Variants in ADCY2 observed in about 807,000 individuals in gnomAD.
The protein encoded by ADCY2 is adenylate cyclase type 2.
In ADCY2, 31 loss-of-function variants were observed where a neutral mutation model predicts 125.2. The observed-to-expected ratio is 0.25, with a 90% confidence interval of 0.19 to 0.33. The LOEUF (loss-of-function observed/expected upper bound fraction) is 0.33. Ranked by LOEUF, ADCY2 falls within the 10% of genes least tolerant of loss-of-function variation. The probability of loss-of-function intolerance (pLI) is 1.00; values close to 1 mark genes in which losing one functional copy is unlikely to be tolerated. For synonymous variants in ADCY2, 512 were observed against 548.4 expected, an observed-to-expected ratio of 0.93 and a Z score of 0.93; for missense variants, 904 against 1,418.2, an observed-to-expected ratio of 0.64 and a Z score of 5.82.
In ADCY2 at chr5:7,396,316, G is replaced by A. The variant is rs746090339; in HGVS notation, c.20G>A (p.Arg7Gln). 2.1e-6 allele frequency: 3 copies of A among 1,451,430 alleles called. No individual in the cohort carries two copies. The highest frequency in any genetic ancestry group is 9.1e-7 in the Non-Finnish European group (1 of 1,099,170). 89.9% of individuals were successfully genotyped at this position (1,451,430 alleles called of 1,614,324 possible). MWQEAM[R>Q]RRRYLRDRSE... ...GCCCCGATGTGGCAGGAGGCGATGC[G>A]GCGCCGCCGCTACCTGCGGGACCGC... The change falls in exon 1 of 25, where the codon CGG becomes CAG. Residue 7 changes from arginine (R) to glutamine (Q), a missense_variant. Around this residue, in one of 7 missense-constraint regions of ADCY2, gnomAD observed 113 missense variants for 108.0 expected, o/e 1.05. Coordinates refer to ENST00000338316, the MANE Select transcript of ADCY2 (RefSeq NM_020546.3). The surrounding 1 kb of genome is among the most constrained non-coding windows in gnomAD (Gnocchi z 5.7).
intron 4 of ADCY2, chr5:7,658,084 C>T (rs1739400730): frequency 6.6e-6 from 1 of 152,228 alleles, no homozygotes; most frequent in South Asian, 2.1e-4. Context: ...CTTCTAGGTT[C>T]AAAGAGGCAG....
intron 7 of ADCY2, among the ~76,000 whole-genome samples, chr5:7,705,737 G>A (rs868645708): frequency 3.3e-5 from 5 of 152,264 alleles, no homozygotes; most frequent in Middle Eastern, 3.4e-3. Flanking sequence ...AAGCAAGAAA[G>A]GAAGACAGTG....
chr5:7,572,778 A>C (rs902224274), intron 3 of ADCY2, among the ~76,000 whole-genome samples: 4 of 152,152 alleles, frequency 2.6e-5, no homozygotes, highest in African/African-American at 9.7e-5. Flanking sequence ...TATACATTTA[A>C]GTCTTTATTC....
chr5:7,731,775 G>A (rs1742110174), intron 14 of ADCY2, among the ~76,000 whole-genome samples: 1 of 151,282 alleles, frequency 6.6e-6, no homozygotes, highest in African/African-American at 2.4e-5. Flanking sequence ...GCTAATTTTT[G>A]TATTTTTAGT....
chr5:7,526,183 C>A (rs1225325065), intron 3 of ADCY2, among the ~76,000 whole-genome samples: 1 of 152,218 alleles, frequency 6.6e-6, no homozygotes, highest in East Asian at 1.9e-4. Flanking sequence ...ACCTCACACA[C>A]AGCTTTGTCA....
At chr5:7,726,490 C>A (rs1235214552) in intron 13 of ADCY2, among the ~76,000 whole-genome samples, 1 of 152,108 alleles carries the variant, frequency 6.6e-6, no homozygotes, top group Non-Finnish European at 1.5e-5. Context: ...TTTTATCCTG[C>A]CTAAGTAAAG....
At chr5:7,723,746 C>T (rs575361061) in intron 12 of ADCY2, among the ~76,000 whole-genome samples, 9 of 151,914 alleles carry the variant, frequency 5.9e-5, no homozygotes, top group Admixed American at 3.9e-4. Flanking sequence ...CGTGGTGAAA[C>T]CCCACCTCTA....
chr5:7,525,181 T>G lies in ADCY2; in HGVS notation c.570+4282T>G, dbSNP rs552881138. Among the ~76,000 whole-genome samples, 204 of 152,242 alleles carry G rather than the reference T, an allele frequency of 1.3e-3. 1 individual carries two copies. The highest frequency in any genetic ancestry group is 2.2e-3 in the Non-Finnish European group (152 of 68,020). The stretch of plus-strand genomic sequence containing the variant: ...CCATGCCTGGCTAATTTCTTTTTTG[T>G]ATTTTAGTGGAGACAGGGTTTCACC... On this transcript the variant is annotated intron_variant, in intron 3 of 24. Transcript: ENST00000338316.
chr5:7,607,214 A>G (rs1341073538), intron 3 of ADCY2, among the ~76,000 whole-genome samples: 2 of 152,190 alleles, frequency 1.3e-5, no homozygotes, highest in African/African-American at 4.8e-5. Flanking sequence ...TTAAAAAATT[A>G]CACCAGGTCT....
chr5:7,751,928 G>A (rs1046261915), intron 15 of ADCY2, among the ~76,000 whole-genome samples: 4 of 152,092 alleles, frequency 2.6e-5, no homozygotes, highest in Admixed American at 2.6e-4. Flanking sequence ...ATTAAAAATA[G>A]TAAACAGAAT....
At chr5:7,438,059 A>G (rs903534043) in intron 2 of ADCY2, among the ~76,000 whole-genome samples, 1 of 152,186 alleles carries the variant, frequency 6.6e-6, no homozygotes, top group Non-Finnish European at 1.5e-5. Context: ...ACTGATTACA[A>G]TCTATTTATT....
chr5:7,563,107 A>C (rs1735764129), intron 3 of ADCY2, among the ~76,000 whole-genome samples: 1 of 152,184 alleles, frequency 6.6e-6, no homozygotes, highest in Non-Finnish European at 1.5e-5. Flanking sequence ...TCTACTTATG[A>C]AAGAGGTGAT....
intron 3 of ADCY2, among the ~76,000 whole-genome samples, chr5:7,590,251 A>G (rs543386810): frequency 1.3e-5 from 2 of 152,338 alleles, no homozygotes; most frequent in Admixed American, 1.3e-4. Flanking sequence ...AAAAAAGCAT[A>G]GAATATGGGG....
chr5:7,824,491 C>T (rs944124824), intron 24 of ADCY2, among the ~76,000 whole-genome samples: 12 of 152,166 alleles, frequency 7.9e-5, no homozygotes, highest in Admixed American at 1.3e-4. Flanking sequence ...GGTGGAAGGC[C>T]GCTCGTCCAA....
chr5:7,766,305 TG>T (rs1306297909), intron 16 of ADCY2, among the ~76,000 whole-genome samples: 1 of 152,096 alleles, frequency 6.6e-6, no homozygotes, highest in Non-Finnish European at 1.5e-5. Context: ...GCAAAGATAC[TG>T]GGGGGAAAAA....
intron 3 of ADCY2, among the ~76,000 whole-genome samples, chr5:7,574,249 G>C (rs547801076): frequency 6.8e-6 from 1 of 146,294 alleles, no homozygotes; most frequent in Admixed American, 6.9e-5. Flanking sequence ...ATAGCAGCAT[G>C]ATTTATAGTC....
intron 18 of ADCY2, among the ~76,000 whole-genome samples, chr5:7,781,350 G>T (rs1743917457): frequency 6.6e-6 from 1 of 152,282 alleles, no homozygotes; most frequent in South Asian, 2.1e-4. Flanking sequence ...GACCTTATTT[G>T]GAAATAGAAT....
intron 4 of ADCY2, chr5:7,654,112 C>T (rs192933497): frequency 3.9e-4 from 180 of 456,118 alleles, no homozygotes; most frequent in African/African-American, 3.5e-3. Flanking sequence ...CCACGGGACT[C>T]CTGACATTCA....
At chr5:7,814,792 G>C (rs1357968107) in intron 22 of ADCY2, among the ~76,000 whole-genome samples, 2 of 152,136 alleles carry the variant, frequency 1.3e-5, no homozygotes, top group Non-Finnish European at 2.9e-5. Flanking sequence ...TCAGCAGGTG[G>C]CTCCTCTTTG....
Sources: allele counts gnomAD v4.1 joint callset (sites outside exome capture counted in the v4.1 genomes callset), GRCh38; gene constraint gnomAD v4.1.1; regional missense constraint gnomAD v4.1.1; non-coding constraint Gnocchi (gnomAD v3.1); transcripts MANE v1.5; gene names NCBI Gene and HGNC (gene_info 2026-07-23, HGNC 2026-07-21).